The following SLX4IP variants were observed in gnomAD, a reference collection of about 807,000 sequenced individuals.
The protein encoded by SLX4IP is SLX4 interacting protein.
SLX4IP carries 34 observed loss-of-function variants against 32.9 expected under a neutral mutation model. That is an observed-to-expected ratio of 1.03 (90% CI 0.79 to 1.38). The LOEUF (loss-of-function observed/expected upper bound fraction) is 1.38. Among genes scored for constraint, SLX4IP ranks in the 40% most tolerant of loss-of-function variants. SLX4IP has a pLI of 0.00. For missense variants in SLX4IP, 444 were observed against 479.0 expected (o/e 0.93, Z 0.68); for synonymous variants, 172 against 171.7 (o/e 1.00, Z -0.01).
chr20:10,460,864 C>T (rs2065331711), intron 2 of SLX4IP, among the ~76,000 whole-genome samples: 1 of 152,152 alleles, frequency 6.6e-6, no homozygotes, highest in Admixed American at 6.5e-5. Flanking sequence ...TGTCTTTCTT[C>T]TCTGATTGCT....
chr20:10,614,929 A>G (rs928577946), intron 6 of SLX4IP, among the ~76,000 whole-genome samples: 3 of 152,188 alleles, frequency 2.0e-5, no homozygotes, highest in African/African-American at 7.2e-5. Context: ...TCCAAGTTGA[A>G]AGTGCACACC....
At chr20:10,440,984 C>T (rs2065155813) in intron 1 of SLX4IP, among the ~76,000 whole-genome samples, 1 of 152,140 alleles carries the variant, frequency 6.6e-6, no homozygotes, top group Admixed American at 6.6e-5. Context: ...GTTATTATCC[C>T]ATTTCAGAGG....
chr20:10,569,597 T>A (rs2066438319), intron 4 of SLX4IP, among the ~76,000 whole-genome samples: 2 of 152,216 alleles, frequency 1.3e-5, no homozygotes, highest in Non-Finnish European at 2.9e-5. Context: ...AAGTGTAAGA[T>A]CAAGGTTAGT....
rs624892 is a variant in SLX4IP, at chr20:10,580,804, A to C, written c.239-17871A>C. ...TCATACTGGCTCCTGGAACTCCTCTACTGAAATCATTTTCAAGATTAAGAA... is the reference window on the plus strand; with the variant it reads ...TCATACTGGCTCCTGGAACTCCTCTCCTGAAATCATTTTCAAGATTAAGAA... On this transcript the variant is annotated intron_variant, in intron 4 of 7. Coordinates refer to ENST00000334534, the MANE Select transcript of SLX4IP (RefSeq NM_001009608.3). Among the ~76,000 whole-genome samples the C allele has an allele frequency of 9.4e-3, 1,426 of 152,272 alleles. 10 individuals carry two copies. The highest frequency in any genetic ancestry group is 0.017 in the Middle Eastern group (5 of 294).
chr20:10,491,104 A>T (rs6032888), intron 2 of SLX4IP, among the ~76,000 whole-genome samples: 18,254 of 151,918 alleles, frequency 0.12, 1,352 homozygotes, highest in Non-Finnish European at 0.17. Context: ...ACACTTTGGT[A>T]CTTGCCTCTT....
rs540930288 is a variant in SLX4IP, at chr20:10,531,966, C to T, written c.28-24265C>T. ...TTATAGCTTTTATTCTCCATCACTA[C>T]ACATGCCCTGCTTCATCTCCTATAA... On this transcript the variant is annotated intron_variant, in intron 2 of 7. Coordinates refer to ENST00000334534, the MANE Select transcript of SLX4IP (RefSeq NM_001009608.3). 2.0e-5 allele frequency among the ~76,000 whole-genome samples: 3 copies of T among 152,312 alleles called. No homozygotes were observed. In the East Asian group the frequency reaches 5.8e-4, roughly 29 times the overall value.
chr20:10,581,453 T>C (rs778398223), intron 4 of SLX4IP, among the ~76,000 whole-genome samples: 1 of 152,156 alleles, frequency 6.6e-6, no homozygotes, highest in Non-Finnish European at 1.5e-5. Flanking sequence ...AGAACGTGCC[T>C]GAGTTTGAAC....
intron 2 of SLX4IP, among the ~76,000 whole-genome samples, chr20:10,477,937 G>A (rs927271546): frequency 1.0e-4 from 14 of 136,294 alleles, no homozygotes; most frequent in African/African-American, 3.1e-4. Context: ...TTGCTCTATC[G>A]CCCATGCTGG....
chr20:10,596,525 G>A (rs1568761623), intron 4 of SLX4IP, among the ~76,000 whole-genome samples: 1 of 152,024 alleles, frequency 6.6e-6, no homozygotes, highest in East Asian at 1.9e-4. Context: ...ACCACACTGG[G>A]CCTGATAATA....
At chr20:10,456,364 C>T (rs572166862) in intron 1 of SLX4IP, among the ~76,000 whole-genome samples, 16 of 152,218 alleles carry the variant, frequency 1.1e-4, no homozygotes, top group Admixed American at 1.3e-4. Context: ...GTTTTTCAGA[C>T]GGAGTCTTGC....
rs1254657114 is a variant in SLX4IP at position 10,458,328 on chromosome 20, C to G, written c.27+97C>G. On this transcript the variant is annotated intron_variant, in intron 2 of 7. Coordinates refer to ENST00000334534, the MANE Select transcript of SLX4IP (RefSeq NM_001009608.3). ...GAAAATCGAGGTTCCTAACTTTCTGCTTTTTACACTTGGGACTCTGCAAAA... is the reference window on the plus strand; with the variant it reads ...GAAAATCGAGGTTCCTAACTTTCTGGTTTTTACACTTGGGACTCTGCAAAA... 4 of 1,251,764 alleles carry G rather than the reference C, an allele frequency of 3.2e-6. No homozygotes were observed. The Admixed American group carries it at 1.1e-4, about 33-fold the overall frequency. The allele number at this position is 1,251,764 out of a possible 1,614,324, so 77.5% of individuals were successfully genotyped here. A position where few individuals can be genotyped will look rare whatever the true frequency, so the allele number is the denominator to read the frequency against.
At chr20:10,542,859 C>G (rs901499438) in intron 2 of SLX4IP, among the ~76,000 whole-genome samples, 4 of 152,164 alleles carry the variant, frequency 2.6e-5, no homozygotes, top group Non-Finnish European at 4.4e-5. Flanking sequence ...TTTGCTACCC[C>G]AGATATGCAC....
chr20:10,473,533 A>G (rs1038318570), intron 2 of SLX4IP, among the ~76,000 whole-genome samples: 2 of 152,144 alleles, frequency 1.3e-5, no homozygotes, highest in African/African-American at 4.8e-5. Context: ...ATTGTGGTTA[A>G]TATTTTTCTG....
At chr20:10,435,893 G>T (rs1056490631) in intron 1 of SLX4IP, among the ~76,000 whole-genome samples, 1 of 152,138 alleles carries the variant, frequency 6.6e-6, no homozygotes, top group African/African-American at 2.4e-5. Flanking sequence ...GGATTCAGGA[G>T]TTAGCTAAAA....
At chr20:10,439,835 A>G (rs755581977) in intron 1 of SLX4IP, among the ~76,000 whole-genome samples, 1 of 152,234 alleles carries the variant, frequency 6.6e-6, no homozygotes, top group African/African-American at 2.4e-5. Flanking sequence ...GTAGAGATCT[A>G]TAAAGCCAAC....
intron 4 of SLX4IP, among the ~76,000 whole-genome samples, chr20:10,581,892 A>G (rs1030431649): frequency 5.3e-5 from 8 of 152,180 alleles, no homozygotes; most frequent in South Asian, 2.1e-4. Flanking sequence ...ACTGTCCACC[A>G]TCAAAGCCCC....
In SLX4IP at chr20:10,623,274, C is replaced by T. The variant is rs751055132; in HGVS notation, c.1122C>T (p.Asn374=). 1.2e-6 allele frequency: 2 copies of T among 1,614,098 alleles called. No individual in the cohort carries two copies. The highest frequency in any genetic ancestry group is 1.7e-6 in the Non-Finnish European group (2 of 1,180,028). ...SLSSRHLMKN[N]PGQAQQTGLA... ...CCTCCAGACATCTTATGAAAAATAA[C>T]CCAGGGCAGGCACAGCAAACCGGCT... Residue 374 remains asparagine (N), a synonymous_variant, in exon 8 of 8, where the codon AAC becomes AAT. Transcript: ENST00000334534.
intron 2 of SLX4IP, among the ~76,000 whole-genome samples, chr20:10,500,634 C>T (rs1357867963): frequency 1.3e-5 from 2 of 152,104 alleles, no homozygotes; most frequent in East Asian, 1.9e-4. Context: ...CACCTGTAGT[C>T]CCAGCTACTA....
chr20:10,494,834 A>G (rs916322561), intron 2 of SLX4IP, among the ~76,000 whole-genome samples: 17 of 152,010 alleles, frequency 1.1e-4, no homozygotes, highest in African/African-American at 3.6e-4. Flanking sequence ...TAGAAAGTAC[A>G]TATAATAGAG....
Sources: allele counts gnomAD v4.1 joint callset (sites outside exome capture counted in the v4.1 genomes callset), GRCh38; gene constraint gnomAD v4.1.1; transcripts MANE v1.5; gene names NCBI Gene and HGNC (gene_info 2026-07-23, HGNC 2026-07-21).